The following KAT2B variants were observed in gnomAD, a reference collection of about 807,000 sequenced individuals.
KAT2B encodes the protein histone acetyltransferase KAT2B.
In KAT2B, 36 loss-of-function variants were observed where a neutral mutation model predicts 105.9. The observed-to-expected ratio is 0.34, with a 90% CI of 0.26 to 0.45. The LOEUF (loss-of-function observed/expected upper bound fraction) is 0.45. Among genes scored for constraint, KAT2B ranks in the 20% least tolerant of loss-of-function variants. The pLI is 1.00. For synonymous variants in KAT2B, 397 were observed against 377.9 expected (o/e 1.05, Z -0.59); for missense variants, 820 against 1,021.6 (o/e 0.80, Z 2.69).
chr3:20,062,650 C>T (rs1235500641), intron 1 of KAT2B, among the ~76,000 whole-genome samples: 4 of 151,322 alleles, frequency 2.6e-5, no homozygotes, highest in South Asian at 2.1e-4. Flanking sequence ...TTAGTAGAGA[C>T]GGGGTTTCGC....
At position 20,062,302 on chromosome 3, in the gene KAT2B, A is replaced by AAACAT. The variant is rs1393474622; in HGVS notation, c.304-10029_304-10028insCATAA. Among the ~76,000 whole-genome samples, 14 of 46,944 alleles carry AAACAT rather than the reference A, an allele frequency of 3.0e-4. 1 individual carries two copies. Among genetic ancestry groups the AAACAT allele is most frequent in the Non-Finnish European group, 5.0e-4 (11 of 21,956 alleles). The allele number at this position is 46,944 out of a possible 152,430, so 30.8% of individuals were successfully genotyped here. A position where few individuals can be genotyped will look rare whatever the true frequency, so the allele number is the denominator to read the frequency against. On this transcript the variant is annotated intron_variant, in intron 1 of 17. Coordinates refer to ENST00000263754, the MANE Select transcript of KAT2B (RefSeq NM_003884.5). ...TATAAAATATAATATATAATATATA[A>AAACAT]AATATAATATATATAAAATATTTAT... is the stretch of plus-strand genomic sequence containing the variant.
At chr3:20,110,701 A>C (rs1051768585) in intron 5 of KAT2B, among the ~76,000 whole-genome samples, 6 of 151,480 alleles carry the variant, frequency 4.0e-5, no homozygotes, top group Admixed American at 1.3e-4. Flanking sequence ...AGAAAGAAAA[A>C]GAAAGAAAAA....
At chr3:20,042,012 A>C (rs1013670827) in intron 1 of KAT2B, among the ~76,000 whole-genome samples, 2 of 152,212 alleles carry the variant, frequency 1.3e-5, no homozygotes, top group African/African-American at 4.8e-5. Context: ...ACACTGGTTC[A>C]ATAAATATTT....
At chr3:20,044,376 C>G (rs1575100782) in intron 1 of KAT2B, among the ~76,000 whole-genome samples, 1 of 151,472 alleles carries the variant, frequency 6.6e-6, no homozygotes, top group South Asian at 2.1e-4. Context: ...GTGATTGCAC[C>G]GCTGTACTCC....
At chr3:20,107,474 A>C (rs1450431954) in intron 5 of KAT2B, among the ~76,000 whole-genome samples, 1 of 151,406 alleles carries the variant, frequency 6.6e-6, no homozygotes, top group Non-Finnish European at 1.5e-5. Flanking sequence ...CCTGGCCAAC[A>C]TGGTGAAACC....
intron 1 of KAT2B, among the ~76,000 whole-genome samples, chr3:20,042,306 A>G (rs1439867895): frequency 1.3e-5 from 2 of 152,224 alleles, no homozygotes; most frequent in African/African-American, 2.4e-5. Context: ...TGCAAAAAAG[A>G]TGAAGTGGGG....
chr3:20,049,514 T>C (rs998826633), intron 1 of KAT2B, among the ~76,000 whole-genome samples: 2 of 152,192 alleles, frequency 1.3e-5, no homozygotes, highest in Non-Finnish European at 1.5e-5. Context: ...TAGATCCTCT[T>C]TCCTATGCAC....
chr3:20,117,821 G>A (rs1181657939), intron 7 of KAT2B, among the ~76,000 whole-genome samples: 1 of 152,130 alleles, frequency 6.6e-6, no homozygotes, highest in Non-Finnish European at 1.5e-5. Flanking sequence ...TCAGCTACCA[G>A]TCAGCAACAC....
intron 1 of KAT2B, among the ~76,000 whole-genome samples, chr3:20,061,176 C>T (rs1187045666): frequency 6.6e-6 from 1 of 152,150 alleles, no homozygotes; most frequent in Non-Finnish European, 1.5e-5. Context: ...ACCACCATTC[C>T]TATCTCTATG....
chr3:20,140,162 A>G, intron 12 of KAT2B, 59 bp from the exon 13 acceptor site: 1 of 1,062,936 alleles, frequency 9.4e-7, no homozygotes, highest in Non-Finnish European at 1.5e-6. Context: ...GAACATAGTT[A>G]GCACTCAGTA....
intron 1 of KAT2B, among the ~76,000 whole-genome samples, chr3:20,071,148 T>C (rs1053700025): frequency 1.9e-4 from 29 of 152,268 alleles, no homozygotes; most frequent in African/African-American, 7.0e-4. Context: ...ATATAAACAT[T>C]GTTAATGATG....
In KAT2B at chr3:20,154,010, G is replaced by A. The variant is rs1340356564; in HGVS notation, c.*1485G>A. The A allele has an allele frequency of 1.3e-5, 2 of 152,582 alleles. No homozygotes were observed. Among genetic ancestry groups the A allele is most frequent in the Non-Finnish European group, 2.9e-5 (2 of 68,020 alleles). 9.5% of individuals were successfully genotyped at this position (152,582 alleles called of 1,614,324 possible). A position where few individuals can be genotyped will look rare whatever the true frequency, so the allele number is the denominator to read the frequency against. Reference sequence around the variant, plus strand: ...ACTGAAAATGCCTCAACTTTTTAAAGTGTAAGAAACCACCATGAGTGGTGT... The same window carrying A: ...ACTGAAAATGCCTCAACTTTTTAAAATGTAAGAAACCACCATGAGTGGTGT... On this transcript the variant is annotated 3_prime_UTR_variant, in exon 18 of 18. Coordinates refer to ENST00000263754, the MANE Select transcript of KAT2B (RefSeq NM_003884.5).
At chr3:20,054,721 T>C (rs1479557341) in intron 1 of KAT2B, among the ~76,000 whole-genome samples, 4 of 152,230 alleles carry the variant, frequency 2.6e-5, no homozygotes. Context: ...TTGCATCAGC[T>C]CTGACAAGCT....
intron 11 of KAT2B, among the ~76,000 whole-genome samples, chr3:20,131,523 A>G (rs1376331794): frequency 2.0e-5 from 3 of 152,174 alleles, no homozygotes; most frequent in South Asian, 2.1e-4. Context: ...TATAGCATAT[A>G]TTACTGAAGA....
intron 9 of KAT2B, among the ~76,000 whole-genome samples, chr3:20,125,306 G>GAAAAA (rs34271857): frequency 8.5e-6 from 1 of 117,152 alleles, no homozygotes; most frequent in African/African-American, 3.4e-5. Context: ...CTCCGTCTCA[G>GAAAAA]AAAAAAAAAA....
chr3:20,148,231 T>C lies in KAT2B; in HGVS notation c.2157-12T>C, dbSNP rs1472798197. 1 of 1,610,552 alleles carries C rather than the reference T, an allele frequency of 6.2e-7. No individual in the cohort carries two copies. Among genetic ancestry groups the C allele is most frequent in the Non-Finnish European group, 8.5e-7 (1 of 1,177,056 alleles). ...CTAATCATTGCTCCTTGTTTCCCTT[T>C]TTCCTTTCAAGTAAAGAGCCCAGAG... On this transcript the variant is annotated splice_polypyrimidine_tract_variant and intron_variant, in intron 15 of 17. Coordinates refer to ENST00000263754, the MANE Select transcript of KAT2B (RefSeq NM_003884.5).
chr3:20,095,046 TG>T (rs1200665441), intron 2 of KAT2B, among the ~76,000 whole-genome samples: 5 of 152,134 alleles, frequency 3.3e-5, no homozygotes, highest in Admixed American at 2.6e-4. Context: ...TAACGTTGGG[TG>T]GGGAGGCTAA....
chr3:20,147,990 A>T lies in KAT2B; in HGVS notation c.2147A>T (p.Lys716Ile). ...GAGACAGGCTGGAAACCGAGTGGAA[A>T]AGAGAAAAGGTAAGTATGACGGGCA... ...IRETGWKPSG[K>I]EKSKEPRDPD... is the part of the protein sequence containing the mutation. The change falls in exon 15 of 18, where the codon AAA becomes ATA. Residue 716 changes from lysine to isoleucine, a missense_variant. Lys to Ile is a moderately radical substitution (Grantham distance 102, BLOSUM62 -3). Around this residue, in one of 6 missense-constraint regions of KAT2B, gnomAD observed 227 missense variants for 292.9 expected, o/e 0.77. Transcript: ENST00000263754. 1 of 1,613,746 alleles carries T rather than the reference A, an allele frequency of 6.2e-7. No individual in the cohort carries two copies. The highest frequency in any genetic ancestry group is 8.5e-7 in the Non-Finnish European group (1 of 1,179,740).
chr3:20,080,275 C>T (rs191886013), intron 2 of KAT2B, among the ~76,000 whole-genome samples: 2 of 152,282 alleles, frequency 1.3e-5, no homozygotes, highest in East Asian at 1.9e-4. Context: ...GCATTTTGGC[C>T]ATCAGGCTGC....
Sources: allele counts gnomAD v4.1 joint callset (sites outside exome capture counted in the v4.1 genomes callset), GRCh38; gene constraint gnomAD v4.1.1; regional missense constraint gnomAD v4.1.1; transcripts MANE v1.5; gene names NCBI Gene and HGNC (gene_info 2026-07-23, HGNC 2026-07-21).